AGAP5: variants seen among roughly 807,000 people sequenced by gnomAD.
AGAP5 encodes the protein ArfGAP with GTPase domain, ankyrin repeat and PH domain 5.
Under a neutral mutation model 27.7 loss-of-function variants are expected in AGAP5, and 8 were observed. The observed-to-expected ratio is 0.29, with a 90% CI of 0.17 to 0.52. The LOEUF is 0.52. Ranked by LOEUF, AGAP5 falls within the 20% of genes least tolerant of loss-of-function variation. AGAP5 has a pLI of 0.97. For missense variants in AGAP5, 285 were observed against 880.8 expected (o/e 0.32, Z 8.56); for synonymous variants, 111 against 338.0 (o/e 0.33, Z 7.37).
intron 6 of AGAP5, among the ~76,000 whole-genome samples, chr10:73,679,299 A>T (rs1367994143): frequency 3.9e-5 from 6 of 152,052 alleles, no homozygotes; most frequent in Non-Finnish European, 8.8e-5. Flanking sequence ...AATAGGTGGG[A>T]CTACAGGTGC....
At chr10:73,687,118 C>T (rs1413485602) in intron 4 of AGAP5, among the ~76,000 whole-genome samples, 9 of 151,946 alleles carry the variant, frequency 5.9e-5, no homozygotes, top group Admixed American at 5.9e-4. Flanking sequence ...CCCCCAGAAA[C>T]CTATGGAAAT....
intron 4 of AGAP5, among the ~76,000 whole-genome samples, chr10:73,686,949 A>G (rs1442142262): frequency 6.6e-6 from 1 of 152,114 alleles, no homozygotes; most frequent in African/African-American, 2.4e-5. Flanking sequence ...CATAAGAATG[A>G]TACAATGGAC....
chr10:73,686,619 G>A (rs575951579), intron 4 of AGAP5, among the ~76,000 whole-genome samples: 272 of 152,276 alleles, frequency 1.8e-3, no homozygotes, highest in African/African-American at 6.1e-3. Context: ...ACCACAGAGT[G>A]GGAGGAAATC....
At chr10:73,678,292 A>C (rs1274411186) in intron 6 of AGAP5, among the ~76,000 whole-genome samples, 2 of 151,984 alleles carry the variant, frequency 1.3e-5, no homozygotes, top group Admixed American at 1.3e-4. Context: ...GCTACACAGG[A>C]GCCTGAGGTG....
intron 2 of AGAP5, among the ~76,000 whole-genome samples, chr10:73,696,762 A>C (rs984415977): frequency 1.3e-5 from 2 of 152,228 alleles, no homozygotes; most frequent in Non-Finnish European, 2.9e-5. Context: ...GAAGAAACTA[A>C]GCAGCTTCTA....
Position 73,675,848 on chromosome 10 carries a change from T to G in AGAP5, c.812A>C (p.Asn271Thr), listed in dbSNP as rs549325105. ...GCCGCTCCCGATGGTGTCAGCATGA[T>G]TCTCCGGGGCTTTCCTCTCTTTGTC... ...HPDKERKAPE[N>T]HADTIGSGRA... Residue 271 changes from asparagine to threonine, a missense_variant, in exon 8 of 8, where the codon AAT becomes ACT. Asn to Thr is a moderately conservative substitution (Grantham distance 65, BLOSUM62 0). Transcript: ENST00000374094. 6.2e-7 allele frequency: 1 copy of G among 1,613,916 alleles called. No individual in the cohort carries two copies. Among genetic ancestry groups the G allele is most frequent in the East Asian group, 2.2e-5 (1 of 44,882 alleles).
intron 4 of AGAP5, among the ~76,000 whole-genome samples, chr10:73,689,156 T>C (rs958836414): frequency 3.9e-5 from 6 of 152,180 alleles, no homozygotes; most frequent in Non-Finnish European, 5.9e-5. Context: ...CTGACTGGTG[T>C]TCGTATTTTT....
At position 73,693,181 on chromosome 10, in the gene AGAP5, G is replaced by A. The variant is rs1366721764; in HGVS notation, c.362-1104C>T. On this transcript the variant is annotated intron_variant, in intron 3 of 7. Coordinates refer to ENST00000374094, the MANE Select transcript of AGAP5 (RefSeq NM_001144000.4). ...ATAGCTTTTCTTTTACTGCTTCCATGCTCTCTAGGTGTGAGAAGCCCATGG... is the reference window on the plus strand; with the variant it reads ...ATAGCTTTTCTTTTACTGCTTCCATACTCTCTAGGTGTGAGAAGCCCATGG... Among the ~76,000 whole-genome samples, 7 of 152,252 alleles carry A rather than the reference G, an allele frequency of 4.6e-5. No homozygotes were observed. The East Asian group carries it at 1.2e-3, about 25-fold the overall frequency.
chr10:73,693,452 C>T (rs1184731415), intron 3 of AGAP5, among the ~76,000 whole-genome samples: 1 of 152,126 alleles, frequency 6.6e-6, no homozygotes, highest in African/African-American at 2.4e-5. Context: ...AATGCTAGCA[C>T]TTTGGGAGGC....
intron 4 of AGAP5, among the ~76,000 whole-genome samples, chr10:73,690,801 A>G (rs575912432): frequency 6.6e-6 from 1 of 152,300 alleles, no homozygotes; most frequent in African/African-American, 2.4e-5. Flanking sequence ...GCGATCCCAC[A>G]CAAGACAGCA....
chr10:73,689,756 G>C (rs1225738295), intron 4 of AGAP5, among the ~76,000 whole-genome samples: 2 of 134,872 alleles, frequency 1.5e-5, no homozygotes, highest in African/African-American at 5.7e-5. Flanking sequence ...GCCTGGCAGC[G>C]CCCCCGTCTG....
chr10:73,677,192 ATTTTCTG>A (rs2081986893), intron 6 of AGAP5, among the ~76,000 whole-genome samples: 1 of 151,688 alleles, frequency 6.6e-6, no homozygotes, highest in African/African-American at 2.4e-5. Flanking sequence ...GTTTTTATGT[ATTTTCTG>A]TTGTCTGAAT....
At chr10:73,693,540 A>T (rs940163820) in intron 3 of AGAP5, among the ~76,000 whole-genome samples, 13 of 151,822 alleles carry the variant, frequency 8.6e-5, no homozygotes, top group African/African-American at 3.1e-4. Flanking sequence ...CTCTACCAAA[A>T]ATACAGAAAT....
Position 73,675,486 on chromosome 10 carries a change from G to C in AGAP5, c.1174C>G (p.Pro392Ala), listed in dbSNP as rs920262357. 4 of 1,610,874 alleles carry C rather than the reference G, an allele frequency of 2.5e-6. No individual in the cohort carries two copies. Among genetic ancestry groups the C allele is most frequent in the Admixed American group, 1.7e-5 (1 of 59,900 alleles). The change falls in exon 8 of 8, where the codon CCC becomes GCC. Residue 392 changes from proline to alanine, a missense_variant. Physicochemically the swap from Pro to Ala is conservative, Grantham distance 27. Transcript: ENST00000374094. ...TTTTTATTGGCATGAGGAGAGGGGG[G>C]CGGGTTGAGCTTGGGGCTGGTGGTG... ...SSTTSPKLNP[P>A]PSPHANKKKH...
intron 4 of AGAP5, among the ~76,000 whole-genome samples, chr10:73,687,615 G>A (rs1303794685): frequency 6.6e-6 from 1 of 152,186 alleles, no homozygotes; most frequent in African/African-American, 2.4e-5. Context: ...GGCCTTAGGA[G>A]AAAAGTGTAA....
Position 73,675,391 on chromosome 10 carries a change from A to C in AGAP5, c.1269T>G (p.Phe423Leu). The change falls in exon 8 of 8, where the codon TTT becomes TTG. Residue 423 changes from phenylalanine to leucine, a missense_variant. Transcript: ENST00000374094. The stretch of plus-strand genomic sequence containing the variant: ...CCCGCTCCTCATACGTCGTGGCTTC[A>C]AAGTGCCATGTTTGGCCAGTGGCAG... ...IVSATGQTWH[F>L]EATTYEERDA... is the part of the protein sequence containing the mutation. 2 of 1,614,118 alleles carry C rather than the reference A, an allele frequency of 1.2e-6. No homozygotes were observed. The highest frequency in any genetic ancestry group is 1.3e-5 in the African/African-American group (1 of 75,012).
At chr10:73,691,148 G>A (rs993912296) in intron 4 of AGAP5, among the ~76,000 whole-genome samples, 1 of 152,192 alleles carries the variant, frequency 6.6e-6, no homozygotes, top group Non-Finnish European at 1.5e-5. Context: ...ATAAACTAAC[G>A]TAGGCTAGGA....
rs2082169575 is a variant in AGAP5 at position 73,697,385 on chromosome 10, C to G, written c.223+148G>C. ...AAGACTAAGGGGTGGGAATTCAAGG[C>G]AGAGCCAGCTTTTGTTCCTGGCCAG... On this transcript the variant is annotated intron_variant, in intron 1 of 7. Transcript: ENST00000374094. 4.5e-6 allele frequency: 7 copies of G among 1,559,808 alleles called. No homozygotes were observed. In the East Asian group the frequency reaches 1.6e-4, roughly 36 times the overall value.
chr10:73,690,832 A>T (rs1336581019), intron 4 of AGAP5, among the ~76,000 whole-genome samples: 3 of 152,164 alleles, frequency 2.0e-5, no homozygotes, highest in African/African-American at 7.2e-5. Flanking sequence ...ATCCCAAAAG[A>T]CTTTAAGGAG....
Sources: gnomAD v4.1 joint callset for allele counts (sites outside exome capture counted in the v4.1 genomes callset) on GRCh38, gnomAD v4.1.1 for gene constraint, MANE v1.5 for transcripts, NCBI Gene and HGNC (gene_info 2026-07-23, HGNC 2026-07-21) for gene names.